Variants in WDR86 observed in about 807,000 individuals in gnomAD.
The protein encoded by WDR86 is WD repeat-containing protein 86.
WDR86 carries 30 observed loss-of-function variants against 36.5 expected under a neutral mutation model. That is an observed-to-expected ratio of 0.82 (90% CI 0.61 to 1.11). The LOEUF (loss-of-function observed/expected upper bound fraction) is 1.11, where lower values mean the gene tolerates loss of function less well. Ranked by LOEUF, WDR86 falls within the 50% of genes most tolerant of loss-of-function variation. The probability of loss-of-function intolerance (pLI) is 0.00; values close to 1 mark genes in which losing one functional copy is unlikely to be tolerated. For missense variants in WDR86, 545 were observed against 561.2 expected (o/e 0.97, Z 0.29); for synonymous variants, 255 against 252.9 (o/e 1.01, Z -0.08).
intron 1 of WDR86, among the ~76,000 whole-genome samples, chr7:151,407,488 A>G (rs960558023): frequency 6.6e-6 from 1 of 152,196 alleles, no homozygotes; most frequent in African/African-American, 2.4e-5. Flanking sequence ...ACCCGTCCCC[A>G]GCCCAGGGGC....
chr7:151,407,694 A>C (rs1223127934), intron 1 of WDR86, among the ~76,000 whole-genome samples: 1 of 152,188 alleles, frequency 6.6e-6, no homozygotes, highest in African/African-American at 2.4e-5. Context: ...CAAAAAAATT[A>C]GCTGGGCGTG....
downstream of WDR86, among the ~76,000 whole-genome samples, chr7:151,372,831 G>A (rs1330827622): frequency 5.9e-5 from 9 of 152,174 alleles, no homozygotes; most frequent in Admixed American, 5.9e-4. Context: ...GGTAGAGCAC[G>A]TAATGGGGGC....
intron 2 of WDR86, among the ~76,000 whole-genome samples, chr7:151,397,511 C>T (rs1022515735): frequency 2.0e-5 from 3 of 152,210 alleles, no homozygotes; most frequent in Admixed American, 6.5e-5. Context: ...GCAACCTCTG[C>T]CTCCCAGGTT....
rs1286158223 is a variant in WDR86 at position 151,408,274 on chromosome 7, G to A, written c.163+1153C>T. Reference sequence around the variant, plus strand: ...TGCAGTGGCACGATCTTGGCTCACTGCAACCTCTGCCTCCTGGGTTCAAGT... The same window carrying A: ...TGCAGTGGCACGATCTTGGCTCACTACAACCTCTGCCTCCTGGGTTCAAGT... On this transcript the variant is annotated intron_variant, in intron 1 of 5. Transcript: ENST00000334493. Among the ~76,000 whole-genome samples the A allele has an allele frequency of 2.7e-5, 4 of 146,892 alleles. No homozygotes were observed. In the East Asian group the frequency reaches 8.0e-4, roughly 29 times the overall value.
chr7:151,369,712 T>A, the WDR86 span, among the ~76,000 whole-genome samples: 1 of 152,256 alleles, frequency 6.6e-6, no homozygotes, highest in South Asian at 2.1e-4. Flanking sequence ...CCATTTTTCT[T>A]CTTGCCAAAA....
At chr7:151,400,527 G>T (rs149870875) in intron 1 of WDR86, among the ~76,000 whole-genome samples, 1 of 152,238 alleles carries the variant, frequency 6.6e-6, no homozygotes, top group African/African-American at 2.4e-5. Context: ...GATTACAGGC[G>T]CATACCACTA....
chr7:151,408,952 C>A (rs1184003712), intron 1 of WDR86: 7 of 472,738 alleles, frequency 1.5e-5, no homozygotes, highest in Non-Finnish European at 3.1e-5. Context: ...CACACTTCTC[C>A]GCACCGCTGG....
Position 151,395,989 on chromosome 7 carries a change from T to C in WDR86, c.513A>G (p.Thr171=), listed in dbSNP as rs1415952597. 6.3e-7 allele frequency: 1 copy of C among 1,599,062 alleles called. No individual in the cohort carries two copies. Among genetic ancestry groups the C allele is most frequent in the East Asian group, 2.3e-5 (1 of 44,268 alleles). The change falls in exon 3 of 6, where the codon ACA becomes ACG. Residue 171 remains threonine, a synonymous_variant. Transcript: ENST00000334493. ...CCTGCCACACCTTGGCTGTGCCATC[T>C]GTGCTGCCGGTCACCAGAAGCCCCC... ...AAGGLLVTGS[T]DGTAKVWQVA...
intron 2 of WDR86, among the ~76,000 whole-genome samples, chr7:151,397,221 G>T (rs867291015): frequency 6.6e-6 from 1 of 152,122 alleles, no homozygotes; most frequent in African/African-American, 2.4e-5. Flanking sequence ...CCGTCCTCCC[G>T]CGAAGGGCTT....
At chr7:151,382,722 C>T (rs937099905) in intron 4 of WDR86, among the ~76,000 whole-genome samples, 5 of 152,178 alleles carry the variant, frequency 3.3e-5, no homozygotes, top group Non-Finnish European at 5.9e-5. Flanking sequence ...CTGGGCTCTC[C>T]GAAGCCGACC....
At position 151,409,537 on chromosome 7, in the gene WDR86, A is replaced by C; in HGVS notation, c.53T>G (p.Ile18Ser). ...GTCGGGGCTCAGGCTCAGCCAGTTG[A>C]TGCCCCCGCGGTGGTCGGCGCAGAC... ...LRVCADHRGG[I>S]NWLSLSPDGQ... The change falls in exon 1 of 6, where the codon ATC becomes AGC. Residue 18 changes from isoleucine (I) to serine (S), a missense_variant. Physicochemically the swap from Ile to Ser is moderately radical, Grantham distance 142. Transcript: ENST00000334493. The surrounding 1 kb of genome is among the most constrained non-coding windows in gnomAD (Gnocchi z 5.2). 6 of 1,524,392 alleles carry C rather than the reference A, an allele frequency of 3.9e-6. No homozygotes were observed. The highest frequency in any genetic ancestry group is 5.3e-6 in the Non-Finnish European group (6 of 1,141,284). 94.4% of individuals were successfully genotyped at this position (1,524,392 alleles called of 1,614,324 possible).
chr7:151,397,871 T>C (rs1554423439), intron 2 of WDR86, among the ~76,000 whole-genome samples: 1 of 131,648 alleles, frequency 7.6e-6, no homozygotes, highest in Non-Finnish European at 1.6e-5. Flanking sequence ...GCGGGAGGCC[T>C]TGGGGTATGG....
downstream of WDR86, chr7:151,374,372 G>A: frequency 8.1e-7 from 1 of 1,234,046 alleles, no homozygotes; most frequent in Non-Finnish European, 1.1e-6. Context: ...GATCTGAAGG[G>A]CAGGTTTCTC....
intron 3 of WDR86, among the ~76,000 whole-genome samples, chr7:151,394,273 C>T (rs1447198595): frequency 7.2e-5 from 11 of 152,218 alleles, no homozygotes; most frequent in South Asian, 2.1e-4. Context: ...GGTGACCCTC[C>T]CTCCACGCGA....
chr7:151,387,277 A>G (rs943829699), intron 3 of WDR86, among the ~76,000 whole-genome samples: 1 of 152,108 alleles, frequency 6.6e-6, no homozygotes, highest in Non-Finnish European at 1.5e-5. Context: ...TTGCTGGGTG[A>G]CCAGGGCAGG....
At position 151,406,119 on chromosome 7, in the gene WDR86, TCACCAACCG is replaced by T. The variant is rs1019133617; in HGVS notation, c.163+3299_163+3307del. Among the ~76,000 whole-genome samples the T allele has an allele frequency of 1.3e-5, 2 of 152,166 alleles. No homozygotes were observed. The highest frequency in any genetic ancestry group is 2.9e-5 in the Non-Finnish European group (2 of 68,036). ...CAATGAAGCCTTTTTCACTGTGAGC[TCACCAACCG>T]CATTTGAAAGGCAATTCCGTGTATG... On this transcript the variant is annotated intron_variant, in intron 1 of 5. Transcript: ENST00000334493. The surrounding 1 kb of genome is among the most constrained non-coding windows in gnomAD (Gnocchi z 4.4).
rs1335432316 is a variant in WDR86, at chr7:151,409,094, C to A, written c.163+333G>T. 3.4e-6 allele frequency: 2 copies of A among 593,540 alleles called. No individual in the cohort carries two copies. The highest frequency in any genetic ancestry group is 6.5e-6 in the Non-Finnish European group (2 of 306,360). 36.8% of individuals were successfully genotyped at this position (593,540 alleles called of 1,614,324 possible). A position where few individuals can be genotyped will look rare whatever the true frequency, so the allele number is the denominator to read the frequency against. On this transcript the variant is annotated intron_variant, in intron 1 of 5. Coordinates refer to ENST00000334493, the MANE Select transcript of WDR86 (RefSeq NM_198285.3). This position sits in a 1 kb window ranked among gnomAD's most constrained non-coding sequence, Gnocchi z 5.2. ...GGTTTGCTTAGAAGGAGTATAGGTG[C>A]AACTTTTTGTTTGTTAACATTGTTG...
At chr7:151,383,449 G>A (rs1247871032) in intron 4 of WDR86, among the ~76,000 whole-genome samples, 2 of 147,738 alleles carry the variant, frequency 1.4e-5, no homozygotes, top group African/African-American at 5.1e-5. Flanking sequence ...ACTCCAGCCT[G>A]GGCCACAGAG....
the WDR86 span, among the ~76,000 whole-genome samples, chr7:151,370,757 T>C: frequency 7.0e-6 from 1 of 143,402 alleles, no homozygotes; most frequent in East Asian, 2.1e-4. Flanking sequence ...CGTGTTCTCA[T>C]TGTTCAATTC....
Sources: allele counts gnomAD v4.1 joint callset (sites outside exome capture counted in the v4.1 genomes callset), GRCh38; gene constraint gnomAD v4.1.1; non-coding constraint Gnocchi (gnomAD v3.1); transcripts MANE v1.5; gene names NCBI Gene and HGNC (gene_info 2026-07-23, HGNC 2026-07-21).